The following CNGB1 variants were observed in gnomAD, a reference collection of about 807,000 sequenced individuals.
CNGB1 encodes the protein cyclic nucleotide-gated channel beta-1.
Under a neutral mutation model 151.7 loss-of-function variants are expected in CNGB1, and 126 were observed. The ratio of observed to expected loss-of-function variants is 0.83; its 90% CI spans 0.72 to 0.96. CNGB1 has a LOEUF of 0.96. Among genes scored for constraint, CNGB1 ranks in the 40% least tolerant of loss-of-function variants. The pLI is 0.00. For synonymous variants in CNGB1, 623 were observed against 635.1 expected (o/e 0.98, Z 0.29); for missense variants, 1,698 against 1,627.0 (o/e 1.04, Z -0.75).
chr16:57,936,563 T>C (rs1159170740), intron 16 of CNGB1, among the ~76,000 whole-genome samples: 1 of 151,938 alleles, frequency 6.6e-6, no homozygotes, highest in Non-Finnish European at 1.5e-5. Flanking sequence ...GAGGCCGAGG[T>C]GGGCAGATCA....
intron 32 of CNGB1, among the ~76,000 whole-genome samples, chr16:57,886,252 CT>C (rs1374688821): frequency 6.6e-6 from 1 of 152,102 alleles, no homozygotes; most frequent in African/African-American, 2.4e-5. Context: ...AGGGAAGTGC[CT>C]TTTAATGGAA....
intron 18 of CNGB1, among the ~76,000 whole-genome samples, chr16:57,922,434 T>TCTTTC (rs35121566): frequency 6.8e-6 from 1 of 147,278 alleles, no homozygotes; most frequent in Non-Finnish European, 1.5e-5. Context: ...TTTCTTTCTT[T>TCTTTC]TTTTTTTTTT....
intron 16 of CNGB1, 111 bp downstream of exon 16, chr16:57,939,319 G>T: frequency 6.7e-7 from 1 of 1,481,840 alleles, no homozygotes. Flanking sequence ...GCAATGGGGG[G>T]AAGGAGATGG....
intron 12 of CNGB1, among the ~76,000 whole-genome samples, chr16:57,950,997 C>A (rs182173520): frequency 1.3e-5 from 2 of 152,300 alleles, no homozygotes; most frequent in Admixed American, 1.3e-4. Flanking sequence ...GTAGATGCCA[C>A]CCCCGGGTGA....
intron 12 of CNGB1, among the ~76,000 whole-genome samples, chr16:57,951,676 G>A (rs922992667): frequency 1.4e-4 from 21 of 152,216 alleles, no homozygotes; most frequent in African/African-American, 4.1e-4. Flanking sequence ...AATGGCTTAC[G>A]TGGAATAACT....
intron 14 of CNGB1, 95 bp from the exon 15 acceptor site, chr16:57,940,416 G>C: frequency 7.9e-7 from 1 of 1,259,370 alleles, no homozygotes; most frequent in East Asian, 2.5e-5. Flanking sequence ...TGTGCCAGGA[G>C]CGGAGGGTAC....
In CNGB1 at chr16:57,919,175, G is replaced by A. The variant is rs369525244; in HGVS notation, c.1881C>T (p.Cys627=). 27 of 1,614,050 alleles carry A rather than the reference G, an allele frequency of 1.7e-5. No individual in the cohort carries two copies. The highest frequency in any genetic ancestry group is 6.7e-5 in the African/African-American group (5 of 74,918). ...GTTTGAACTTGCAGCAGAGCATGTC[G>A]CAATAGTGCTCCTCTTCCACTGGCT... is the stretch of plus-strand genomic sequence containing the variant. ...EAEPVEEEHY[C]DMLCCKFKHR... The change falls in exon 20 of 33, where the codon TGC becomes TGT. Residue 627 remains cysteine, a synonymous_variant. Coordinates refer to ENST00000251102, the MANE Select transcript of CNGB1 (RefSeq NM_001297.5).
chr16:57,945,956 C>T (rs1390430220), intron 14 of CNGB1, among the ~76,000 whole-genome samples: 1 of 152,210 alleles, frequency 6.6e-6, no homozygotes, highest in African/African-American at 2.4e-5. Flanking sequence ...AACACCTAAA[C>T]AGCCCAGTGG....
chr16:57,917,521 G>C (rs1217051708), intron 20 of CNGB1, 45 bp from the exon 21 acceptor site: 2 of 1,587,470 alleles, frequency 1.3e-6, no homozygotes, highest in African/African-American at 1.3e-5. Flanking sequence ...AGCCAGGCAA[G>C]GCTCTTCACC....
intron 31 of CNGB1, among the ~76,000 whole-genome samples, chr16:57,891,387 G>A (rs1205481998): frequency 6.6e-6 from 1 of 152,094 alleles, no homozygotes; most frequent in South Asian, 2.1e-4. Context: ...TTCACACACA[G>A]TCCCAGAACA....
intron 24 of CNGB1, 70 bp from the exon 25 acceptor site, chr16:57,911,945 G>T: frequency 6.3e-7 from 1 of 1,599,448 alleles, no homozygotes; most frequent in Admixed American, 1.7e-5. Context: ...CCTGGACAGT[G>T]AGAGCCAACC....
chr16:57,960,743 G>T, intron 8 of CNGB1, 97 bp downstream of exon 8: 2 of 1,386,084 alleles, frequency 1.4e-6, no homozygotes, highest in Non-Finnish European at 2.0e-6. Context: ...GAGTTCTGGG[G>T]TGGGTGGGGA....
At chr16:57,955,502 C>T (rs1308543482) in intron 12 of CNGB1, 69 of 759,446 alleles carry the variant, frequency 9.1e-5, no homozygotes, top group Non-Finnish European at 1.4e-4. Flanking sequence ...CAGAGTCTCC[C>T]CATGACATGG....
intron 1 of CNGB1, among the ~76,000 whole-genome samples, chr16:57,968,225 C>T (rs559391996): frequency 6.6e-6 from 1 of 152,252 alleles, no homozygotes; most frequent in South Asian, 2.1e-4. Context: ...AGGCCAAGGG[C>T]AGTGGCTCAC....
chr16:57,956,922 G>T (rs991620710), intron 12 of CNGB1, among the ~76,000 whole-genome samples: 2 of 152,176 alleles, frequency 1.3e-5, no homozygotes, highest in Admixed American at 1.3e-4. Context: ...CAGCTCAAGG[G>T]AGCTGGAGGC....
At chr16:57,966,486 G>A (rs1356792787) in intron 2 of CNGB1, among the ~76,000 whole-genome samples, 2 of 152,236 alleles carry the variant, frequency 1.3e-5, no homozygotes, top group Admixed American at 1.3e-4. Context: ...CCATGGATCT[G>A]TGCCAGTCTG....
intron 12 of CNGB1, chr16:57,955,190 C>T: frequency 1.3e-6 from 2 of 1,521,036 alleles, no homozygotes; most frequent in Non-Finnish European, 1.8e-6. Flanking sequence ...CCTTGTCCTG[C>T]CTGGGAGTGT....
chr16:57,947,072 C>T (rs1181343007), intron 14 of CNGB1, among the ~76,000 whole-genome samples: 2 of 152,110 alleles, frequency 1.3e-5, no homozygotes, highest in Non-Finnish European at 1.5e-5. Flanking sequence ...TGTGGGTATA[C>T]GTGTGTGCAT....
chr16:57,943,949 G>C (rs764281120), intron 14 of CNGB1, among the ~76,000 whole-genome samples: 4 of 151,530 alleles, frequency 2.6e-5, no homozygotes, highest in Admixed American at 2.0e-4. Context: ...GTGCAATGAC[G>C]CGATCTCAGC....
Sources: gnomAD v4.1 joint callset for allele counts (sites outside exome capture counted in the v4.1 genomes callset) on GRCh38, gnomAD v4.1.1 for gene constraint, MANE v1.5 for transcripts, NCBI Gene and HGNC (gene_info 2026-07-23, HGNC 2026-07-21) for gene names.